The following ANKRD26 variants were observed in gnomAD, a reference collection of about 807,000 sequenced individuals.
The protein encoded by ANKRD26 is ankyrin repeat domain 26.
A neutral mutation model predicts 208.7 loss-of-function variants in ANKRD26; 141 were observed. The ratio of observed to expected loss-of-function variants is 0.68; its 90% CI spans 0.59 to 0.78. ANKRD26 has a LOEUF of 0.78. ANKRD26 is among the 30% of genes least tolerant of loss of function. The pLI, the probability that ANKRD26 is intolerant of heterozygous loss-of-function variation, is 0.00. For synonymous variants in ANKRD26, 636 were observed against 660.4 expected (o/e 0.96, Z 0.57); for missense variants, 1,889 against 1,938.7 (o/e 0.97, Z 0.48).
chr10:27,093,443 C>T lies in ANKRD26; in HGVS notation c.437G>A (p.Gly146Asp), dbSNP rs753514149. 12 of 1,614,116 alleles carry T rather than the reference C, an allele frequency of 7.4e-6. No individual in the cohort carries two copies. The East Asian group carries it at 2.5e-4, about 33-fold the overall frequency. ...GACAGCATAGTGAAGAGCAGTGTTG[C>T]CATGGACATCCGCAAGATTTGGATC... ...GADPNLADVH[G>D]NTALHYAVYN... The change falls in exon 3 of 34, where the codon GGC becomes GAC. Residue 146 changes from glycine to aspartate, a missense_variant. Coordinates refer to ENST00000376087, the MANE Select transcript of ANKRD26 (RefSeq NM_014915.3).
intron 31 of ANKRD26, among the ~76,000 whole-genome samples, 153 bp downstream of exon 31, chr10:27,014,341 C>T (rs1319509944): frequency 1.3e-5 from 2 of 151,020 alleles, no homozygotes; most frequent in African/African-American, 4.9e-5. Flanking sequence ...CCTGGACTCA[C>T]ATTTTAAAGG....
downstream of ANKRD26, among the ~76,000 whole-genome samples, chr10:26,990,899 T>G: frequency 6.6e-6 from 1 of 152,256 alleles, no homozygotes; most frequent in South Asian, 2.1e-4. Flanking sequence ...AAGAATAAAC[T>G]AACGTTTAGT....
chr10:27,040,274 T>G, intron 20 of ANKRD26, 96 bp from the exon 21 acceptor site: 1 of 899,706 alleles, frequency 1.1e-6, no homozygotes, highest in South Asian at 1.5e-5. Flanking sequence ...ACTGACCAAT[T>G]ACATATTGAG....
chr10:26,961,969 G>A, the ANKRD26 span, among the ~76,000 whole-genome samples: 1 of 152,186 alleles, frequency 6.6e-6, no homozygotes, highest in South Asian at 2.1e-4. Context: ...GATTTTAGAG[G>A]AAGGAAAACA....
At chr10:27,039,453 C>CA (rs34965939) in intron 21 of ANKRD26, among the ~76,000 whole-genome samples, 13,987 of 101,098 alleles carry the variant, frequency 0.14, 783 homozygotes, top group East Asian at 0.35. Flanking sequence ...GACTCCATCT[C>CA]AAAAAAAAAA....
the ANKRD26 span, among the ~76,000 whole-genome samples, chr10:26,957,462 A>AGTTGTT: frequency 6.6e-6 from 1 of 152,330 alleles, no homozygotes; most frequent in South Asian, 2.1e-4. Context: ...CATAGAACAA[A>AGTTGTT]GTTGTACAAC....
chr10:26,968,632 T>C, the ANKRD26 span, among the ~76,000 whole-genome samples: 1 of 152,090 alleles, frequency 6.6e-6, no homozygotes, highest in African/African-American at 2.4e-5. Flanking sequence ...CTAGACACAG[T>C]GGAAAATATG....
chr10:27,027,618 T>C (rs2053707126), intron 27 of ANKRD26, among the ~76,000 whole-genome samples: 1 of 152,222 alleles, frequency 6.6e-6, no homozygotes, highest in Admixed American at 6.5e-5. Flanking sequence ...ATTAATGTTA[T>C]GAATTCAGTC....
In ANKRD26 at chr10:27,048,910, T is replaced by G. The variant is rs1474481721; in HGVS notation, c.1705A>C (p.Thr569Pro). The G allele has an allele frequency of 6.2e-7, 1 of 1,612,326 alleles. No individual in the cohort carries two copies. ...TCATCATCATCTTCAGCATCATCAG[T>G]AGCACCATCATGTATGTTTGCTGAT... ...EVSANIHDGA[T>P]DDAEDDDDDD... Residue 569 changes from threonine (T) to proline (P), a missense_variant, in exon 17 of 34, where the codon ACT becomes CCT. Physicochemically the swap from Thr to Pro is conservative, Grantham distance 38. This residue lies in a region of ANKRD26 where 1,272 missense variants were observed against 1,273.8 expected (regional missense o/e 1.00). Transcript: ENST00000376087.
intron 30 of ANKRD26, among the ~76,000 whole-genome samples, 153 bp from the exon 31 acceptor site, chr10:27,014,864 GGA>G (rs2053238703): frequency 6.6e-6 from 1 of 152,232 alleles, no homozygotes; most frequent in Middle Eastern, 3.4e-3. Flanking sequence ...AGAGATAAGA[GGA>G]CATCCCAGGG....
intron 30 of ANKRD26, among the ~76,000 whole-genome samples, chr10:27,015,245 A>G (rs1589217452): frequency 1.3e-5 from 2 of 152,256 alleles, no homozygotes; most frequent in East Asian, 3.8e-4. Context: ...TGTAAGATAC[A>G]GGAACTTAGA....
chr10:26,960,367 C>G, the ANKRD26 span, among the ~76,000 whole-genome samples: 1 of 152,170 alleles, frequency 6.6e-6, no homozygotes, highest in Non-Finnish European at 1.5e-5. Flanking sequence ...CTCTGAGACT[C>G]CATGAAAAAT....
chr10:27,020,115 T>G (rs7908869), intron 29 of ANKRD26, among the ~76,000 whole-genome samples: 14,498 of 152,230 alleles, frequency 0.095, 2,224 homozygotes, highest in African/African-American at 0.33. Flanking sequence ...TAGAAATGAG[T>G]CACTGAGTTT....
At chr10:27,019,641 A>G (rs975466396) in intron 29 of ANKRD26, among the ~76,000 whole-genome samples, 13 of 152,290 alleles carry the variant, frequency 8.5e-5, no homozygotes, top group Middle Eastern at 6.8e-3. Flanking sequence ...AAATCTGGAG[A>G]AAAAACTTTC....
the ANKRD26 span, among the ~76,000 whole-genome samples, chr10:26,956,305 A>G: frequency 6.6e-6 from 1 of 152,212 alleles, no homozygotes; most frequent in Non-Finnish European, 1.5e-5. Context: ...TTGTTTTACC[A>G]TATGTCATAA....
chr10:27,037,378 T>C (rs1469402577), intron 22 of ANKRD26, 55 bp from the exon 23 acceptor site: 3 of 1,580,608 alleles, frequency 1.9e-6, no homozygotes, highest in Non-Finnish European at 2.6e-6. Context: ...TCTAAAAGGT[T>C]AACAAGAGCA....
chr10:27,051,955 T>C, intron 16 of ANKRD26: 1 of 985,368 alleles, frequency 1.0e-6, no homozygotes, highest in Non-Finnish European at 1.2e-6. Flanking sequence ...CCTTGTTTGG[T>C]CCACATTTCT....
exon 6 of ANKRD26, among the ~76,000 whole-genome samples, chr10:26,975,188 A>T (rs2052206368): frequency 2.0e-5 from 3 of 152,126 alleles, no homozygotes; most frequent in Non-Finnish European, 4.4e-5. Context: ...CAGAAATTTC[A>T]TGAGTTTCTG....
chr10:27,014,253 C>T (rs985264326), intron 31 of ANKRD26, among the ~76,000 whole-genome samples: 1 of 150,930 alleles, frequency 6.6e-6, no homozygotes, highest in Non-Finnish European at 1.5e-5. Flanking sequence ...GACATAGATC[C>T]AGTTAACTAC....
Sources: gnomAD v4.1 joint callset for allele counts (sites outside exome capture counted in the v4.1 genomes callset) on GRCh38, gnomAD v4.1.1 for gene constraint, gnomAD v4.1.1 regional missense constraint, MANE v1.5 for transcripts, NCBI Gene and HGNC (gene_info 2026-07-23, HGNC 2026-07-21) for gene names.